RIPPLY3: variants seen among roughly 807,000 people sequenced by gnomAD.
RIPPLY3 encodes the protein protein ripply3.
In RIPPLY3, 8 loss-of-function variants were observed where a neutral mutation model predicts 11.9. The ratio of observed to expected loss-of-function variants is 0.67; its 90% CI spans 0.40 to 1.21. RIPPLY3 has a LOEUF of 1.21. Ranked by LOEUF, RIPPLY3 falls within the 50% of genes most tolerant of loss-of-function variation. RIPPLY3 has a pLI of 0.01. For missense variants in RIPPLY3, 271 were observed against 246.0 expected (o/e 1.10, Z -0.68); for synonymous variants, 102 against 99.0 (o/e 1.03, Z -0.18).
At chr21:37,011,462 T>G (rs1470510877) in intron 2 of RIPPLY3, among the ~76,000 whole-genome samples, 57 of 152,104 alleles carry the variant, frequency 3.7e-4, no homozygotes, top group Admixed American at 3.7e-3. Context: ...TTAGGCCCTG[T>G]CTGATCGCAG....
At chr21:37,015,772 GCAGTGGTGT>G (rs1159537391) in intron 3 of RIPPLY3, among the ~76,000 whole-genome samples, 1 of 151,878 alleles carries the variant, frequency 6.6e-6, no homozygotes, top group Non-Finnish European at 1.5e-5. Context: ...AGGCTGGAGT[GCAGTGGTGT>G]CATCCCAGCT....
At chr21:37,014,159 A>C (rs2069554444) in intron 3 of RIPPLY3, among the ~76,000 whole-genome samples, 1 of 152,082 alleles carries the variant, frequency 6.6e-6, no homozygotes, top group African/African-American at 2.4e-5. Flanking sequence ...TCTACTAAAA[A>C]TACAAAAAAT....
chr21:37,012,489 C>T (rs1172910334), intron 2 of RIPPLY3, among the ~76,000 whole-genome samples: 2 of 152,104 alleles, frequency 1.3e-5, no homozygotes, highest in African/African-American at 4.8e-5. Context: ...GATCTGCCCA[C>T]TTGGGCCTCC....
In RIPPLY3 at chr21:37,007,620, G is replaced by A. The variant is rs1569285066; in HGVS notation, c.105-537G>A. On this transcript the variant is annotated intron_variant, in intron 1 of 3. Coordinates refer to ENST00000329553, the MANE Select transcript of RIPPLY3 (RefSeq NM_018962.3). ...GACTGGGTTTCGCCATGTTGGCCAG[G>A]CTGGTCTCGAACTCCTGACCTCGAG... Among the ~76,000 whole-genome samples, 7 of 152,092 alleles carry A rather than the reference G, an allele frequency of 4.6e-5. No homozygotes were observed. In the South Asian group the frequency reaches 1.5e-3, roughly 32 times the overall value.
At chr21:37,015,799 G>A (rs6517399) in intron 3 of RIPPLY3, among the ~76,000 whole-genome samples, 14,233 of 151,570 alleles carry the variant, frequency 0.094, 1,359 homozygotes, top group African/African-American at 0.24. Flanking sequence ...GCTCACTGCA[G>A]CCTCCACCTC....
chr21:37,013,626 A>G lies in RIPPLY3; in HGVS notation c.239+8A>G. 6.2e-7 allele frequency: 1 copy of G among 1,606,032 alleles called. No individual in the cohort carries two copies. The highest frequency in any genetic ancestry group is 8.5e-7 in the Non-Finnish European group (1 of 1,173,236). On this transcript the variant is annotated splice_region_variant and intron_variant, in intron 3 of 3. Coordinates refer to ENST00000329553, the MANE Select transcript of RIPPLY3 (RefSeq NM_018962.3). ...GTTTCAGCATCCTGTAAGGTAATAT[A>G]CGACTTCACAATAAGTAATCTGTAA...
chr21:37,018,016 G>T lies in RIPPLY3; in HGVS notation c.382G>T (p.Glu128Ter). ...TGCTTCCGAAGCTGAAGAGCCAGAG[G>T]AAGGACCCCCACCCCTCCATCTTCT... The part of the protein sequence containing the change: ...ESASEAEEPE[E>*]GPPPLHLLPQ... The change falls in exon 4 of 4, where the codon GAA (glutamate) becomes TAA (stop). Residue 128 changes from glutamate to a stop codon, truncating the protein, a stop_gained. Transcript: ENST00000329553. LOFTEE classifies it low-confidence loss of function (END_TRUNC). The T allele has an allele frequency of 1.2e-6, 2 of 1,614,124 alleles. No homozygotes were observed. The highest frequency in any genetic ancestry group is 1.7e-6 in the Non-Finnish European group (2 of 1,180,016).
At chr21:37,012,270 G>T (rs1197896491) in intron 2 of RIPPLY3, among the ~76,000 whole-genome samples, 1 of 147,660 alleles carries the variant, frequency 6.8e-6, no homozygotes. Flanking sequence ...ACGGAGTCTC[G>T]CTCTGTTGCC....
In RIPPLY3 at chr21:37,018,327, A is replaced by G. The variant is rs543394253; in HGVS notation, c.*120A>G. 6.7e-4 allele frequency: 551 copies of G among 817,780 alleles called. 6 individuals are homozygous for G. In the South Asian group the frequency reaches 8.4e-3, roughly 12 times the overall value. The allele number at this position is 817,780 out of a possible 1,614,324, so 50.7% of individuals were successfully genotyped here. On this transcript the variant is annotated 3_prime_UTR_variant, in exon 4 of 4. Transcript: ENST00000329553. ...TGCAGAGGCTAGAGGCTTCTCGGGC[A>G]GCCCCTGGCCTGCACACTACTCATG...
chr21:37,006,364 A>T (rs1304454562), upstream of RIPPLY3: 1 of 157,934 alleles, frequency 6.3e-6, no homozygotes, highest in Non-Finnish European at 1.4e-5. The surrounding 1 kb of genome is among the most constrained non-coding windows in gnomAD (Gnocchi z 5.2). Flanking sequence ...CGTGGCCCCA[A>T]TCCCTGGTAC....
chr21:37,008,104 G>C, intron 1 of RIPPLY3, 53 bp from the exon 2 acceptor site: 2 of 1,584,008 alleles, frequency 1.3e-6, no homozygotes, highest in Non-Finnish European at 1.7e-6. Context: ...GGCATAGTTT[G>C]AAGGCAGCAG....
At chr21:37,006,579 T>G, upstream of RIPPLY3, 1 of 367,112 alleles carries the variant, frequency 2.7e-6, no homozygotes, top group African/African-American at 2.1e-5. The surrounding 1 kb of genome is among the most constrained non-coding windows in gnomAD (Gnocchi z 5.2). Context: ...CCCGGGCTTT[T>G]CCTTCGTACC....
chr21:37,013,880 C>T (rs917331376), intron 3 of RIPPLY3, among the ~76,000 whole-genome samples: 6 of 152,134 alleles, frequency 3.9e-5, no homozygotes, highest in Admixed American at 2.0e-4. Flanking sequence ...CTTCTCATTA[C>T]AAATTGTGCC....
intron 3 of RIPPLY3, among the ~76,000 whole-genome samples, chr21:37,016,648 A>G (rs1287136883): frequency 6.6e-6 from 1 of 152,148 alleles, no homozygotes; most frequent in Non-Finnish European, 1.5e-5. Context: ...CCTGGGCAAT[A>G]TGGCGAAACC....
rs1320860596 is a variant in RIPPLY3, at chr21:37,019,005, T to C, written c.*798T>C. 1 of 151,912 alleles carries C rather than the reference T, an allele frequency of 6.6e-6. No individual in the cohort carries two copies. Among genetic ancestry groups the C allele is most frequent in the Non-Finnish European group, 1.5e-5 (1 of 67,996 alleles). The allele number at this position is 151,912 out of a possible 1,614,324, so 9.4% of individuals were successfully genotyped here. A position where few individuals can be genotyped will look rare whatever the true frequency, so the allele number is the denominator to read the frequency against. On this transcript the variant is annotated 3_prime_UTR_variant, in exon 4 of 4. Coordinates refer to ENST00000329553, the MANE Select transcript of RIPPLY3 (RefSeq NM_018962.3). ...CACTGAGCCCGGCCAAAAAAAAATGTATTTATTAAAAAAAAATTTTTTTAA... is the reference window on the plus strand; with the variant it reads ...CACTGAGCCCGGCCAAAAAAAAATGCATTTATTAAAAAAAAATTTTTTTAA...
chr21:37,012,757 G>A (rs2069537804), intron 2 of RIPPLY3, among the ~76,000 whole-genome samples: 1 of 151,990 alleles, frequency 6.6e-6, no homozygotes, highest in Non-Finnish European at 1.5e-5. Flanking sequence ...GGGTATTCCA[G>A]GCATATGTCA....
At position 37,013,557 on chromosome 21, in the gene RIPPLY3, C is replaced by G. The variant is rs1364684480; in HGVS notation, c.178C>G (p.Pro60Ala). 3.3e-5 allele frequency: 53 copies of G among 1,613,714 alleles called. No individual in the cohort carries two copies. Among genetic ancestry groups the G allele is most frequent in the Non-Finnish European group, 4.2e-5 (49 of 1,179,706 alleles). ...ELTRTGRPLE[P>A]RADQHTFGSK... ...TATGTGTCTGTCGTTACAGCTTGAACCTAGGGCTGACCAACACACTTTTGG... is the reference window on the plus strand; with the variant it reads ...TATGTGTCTGTCGTTACAGCTTGAAGCTAGGGCTGACCAACACACTTTTGG... The change falls in exon 3 of 4, where the codon CCT (proline) becomes GCT (alanine). Residue 60 changes from proline (P) to alanine (A), a missense_variant. Pro to Ala is a conservative substitution (Grantham distance 27). Coordinates refer to ENST00000329553, the MANE Select transcript of RIPPLY3 (RefSeq NM_018962.3).
chr21:37,008,720 T>C (rs2069491244), intron 2 of RIPPLY3, among the ~76,000 whole-genome samples: 1 of 133,522 alleles, frequency 7.5e-6, no homozygotes, highest in South Asian at 2.5e-4. Context: ...ATCATGCCAC[T>C]GCACTCCAGT....
chr21:37,012,895 C>T (rs2211837), intron 2 of RIPPLY3, among the ~76,000 whole-genome samples: 37,002 of 144,750 alleles, frequency 0.26, 4,839 homozygotes, highest in South Asian at 0.37. Flanking sequence ...GACGGAGTGT[C>T]GCTCTGTCGT....
Sources: gnomAD v4.1 joint callset for allele counts (sites outside exome capture counted in the v4.1 genomes callset) on GRCh38, gnomAD v4.1.1 for gene constraint, Gnocchi (gnomAD v3.1) non-coding constraint, MANE v1.5 for transcripts, NCBI Gene and HGNC (gene_info 2026-07-23, HGNC 2026-07-21) for gene names.